Variants in KIAA1328 observed in about 807,000 individuals in gnomAD.
The protein encoded by KIAA1328 is KIAA1328.
In KIAA1328, 52 loss-of-function variants were observed where a neutral mutation model predicts 68.1. That is an observed-to-expected ratio of 0.76 (90% CI 0.61 to 0.96). The LOEUF (loss-of-function observed/expected upper bound fraction) is 0.96. Ranked by LOEUF, KIAA1328 falls within the 40% of genes least tolerant of loss-of-function variation. KIAA1328 has a pLI of 0.00. For missense variants in KIAA1328, 641 were observed against 677.6 expected (o/e 0.95, Z 0.60); for synonymous variants, 232 against 239.4 (o/e 0.97, Z 0.28).
intron 5 of KIAA1328, among the ~76,000 whole-genome samples, chr18:36,954,995 C>G (rs2051346775): frequency 6.6e-6 from 1 of 152,066 alleles, no homozygotes. Context: ...GCTTTTTTAT[C>G]CATCCTTTCT....
intron 6 of KIAA1328, among the ~76,000 whole-genome samples, chr18:36,962,080 C>T (rs1341259543): frequency 1.3e-5 from 2 of 152,134 alleles, no homozygotes; most frequent in African/African-American, 4.8e-5. Context: ...ATCTCATGTG[C>T]AGAGACACAC....
Position 37,179,459 on chromosome 18 carries a change from A to G in KIAA1328, c.1523+6378A>G, listed in dbSNP as rs533193202. ...TTAAAACCTTGCTTTGCTGTCAACC[A>G]TATGTTTAATGTGTTCTGAAAATTT... is the stretch of plus-strand genomic sequence containing the variant. On this transcript the variant is annotated intron_variant, in intron 9 of 9. Coordinates refer to ENST00000280020, the MANE Select transcript of KIAA1328 (RefSeq NM_020776.3). 4.7e-4 allele frequency among the ~76,000 whole-genome samples: 72 copies of G among 152,250 alleles called. 1 individual carries two copies. Among genetic ancestry groups the G allele is most frequent in the African/African-American group, 1.7e-3 (70 of 41,560 alleles).
intron 6 of KIAA1328, among the ~76,000 whole-genome samples, chr18:37,020,270 A>T (rs2054298167): frequency 6.6e-6 from 1 of 152,114 alleles, no homozygotes; most frequent in Admixed American, 6.5e-5. Flanking sequence ...TTACAGGCAC[A>T]TGCCACCACG....
chr18:37,071,538 A>T (rs2056534739), intron 7 of KIAA1328, among the ~76,000 whole-genome samples: 1 of 152,226 alleles, frequency 6.6e-6, no homozygotes. Flanking sequence ...TTTATATAGC[A>T]TTGACATTAT....
chr18:37,171,490 G>A (rs950221936), intron 8 of KIAA1328, among the ~76,000 whole-genome samples: 11 of 152,170 alleles, frequency 7.2e-5, no homozygotes, highest in South Asian at 2.1e-4. Context: ...GATTACAGGT[G>A]TGAGCCACTG....
At chr18:37,045,701 C>G (rs2055441108) in intron 6 of KIAA1328, among the ~76,000 whole-genome samples, 1 of 152,160 alleles carries the variant, frequency 6.6e-6, no homozygotes, top group Non-Finnish European at 1.5e-5. Context: ...TTTACTATTT[C>G]AGGCTTCTCA....
At chr18:37,174,559 G>GTATTTT (rs1568495905) in intron 9 of KIAA1328, among the ~76,000 whole-genome samples, 17 of 141,256 alleles carry the variant, frequency 1.2e-4, no homozygotes, top group South Asian at 2.3e-4. Flanking sequence ...ATTTTTTTTT[G>GTATTTT]GATTTTTATT....
chr18:36,868,889 C>T (rs979097004), intron 4 of KIAA1328, among the ~76,000 whole-genome samples: 4 of 151,902 alleles, frequency 2.6e-5, no homozygotes, highest in Non-Finnish European at 4.4e-5. Context: ...ATTACTTTCC[C>T]GTTGTAAAAT....
chr18:37,075,557 G>A (rs2056695357), intron 7 of KIAA1328: 1 of 152,116 alleles, frequency 6.6e-6, no homozygotes, highest in Non-Finnish European at 1.5e-5. Flanking sequence ...AAAGAGTCAA[G>A]ACCCATCAGT....
At chr18:36,887,776 T>C (rs1344405806) in intron 5 of KIAA1328, among the ~76,000 whole-genome samples, 1 of 151,948 alleles carries the variant, frequency 6.6e-6, no homozygotes, top group Non-Finnish European at 1.5e-5. Context: ...GTAGCAGAGG[T>C]AAGGGAAATA....
intron 4 of KIAA1328, among the ~76,000 whole-genome samples, chr18:36,854,044 T>C (rs1249761377): frequency 1.3e-5 from 2 of 152,226 alleles, no homozygotes; most frequent in African/African-American, 4.8e-5. Flanking sequence ...AAGGTGATTG[T>C]GTTTGGAGAC....
chr18:36,887,599 C>T (rs1033988710), intron 5 of KIAA1328, among the ~76,000 whole-genome samples: 58 of 152,134 alleles, frequency 3.8e-4, no homozygotes, highest in African/African-American at 1.2e-3. Flanking sequence ...CCCTACTCCC[C>T]ACCCAGTGGT....
intron 3 of KIAA1328, among the ~76,000 whole-genome samples, chr18:36,839,287 A>G (rs1345461161): frequency 6.6e-6 from 1 of 151,922 alleles, no homozygotes; most frequent in East Asian, 1.9e-4. Context: ...GATAGTTTGT[A>G]TTGCTGTTGC....
At chr18:36,908,704 C>T (rs1335543946) in intron 5 of KIAA1328, among the ~76,000 whole-genome samples, 1 of 151,978 alleles carries the variant, frequency 6.6e-6, no homozygotes, top group Non-Finnish European at 1.5e-5. Context: ...GACTGTGTGA[C>T]CAGTGTGAAT....
chr18:36,920,106 A>T (rs2049860400), intron 5 of KIAA1328, among the ~76,000 whole-genome samples: 1 of 151,722 alleles, frequency 6.6e-6, no homozygotes, highest in Admixed American at 6.6e-5. Context: ...GCTTGTAGGA[A>T]CTCGGTCATA....
chr18:36,977,228 C>T (rs1357535821), intron 6 of KIAA1328, among the ~76,000 whole-genome samples: 2 of 152,160 alleles, frequency 1.3e-5, no homozygotes, highest in Non-Finnish European at 2.9e-5. Context: ...CACTGTGTAT[C>T]CTTAAAGGCC....
At chr18:36,997,323 A>G (rs80265444) in intron 6 of KIAA1328, among the ~76,000 whole-genome samples, 169 of 152,072 alleles carry the variant, frequency 1.1e-3, no homozygotes, top group South Asian at 4.6e-3. Context: ...TTCCTTTCTT[A>G]TTAAGATTTT....
chr18:36,955,636 G>A (rs571560713), intron 5 of KIAA1328, among the ~76,000 whole-genome samples: 49 of 152,098 alleles, frequency 3.2e-4, no homozygotes, highest in African/African-American at 1.0e-3. Flanking sequence ...GACAAGCCCC[G>A]ATCTATTTGT....
intron 9 of KIAA1328, among the ~76,000 whole-genome samples, chr18:37,186,426 G>A (rs939364391): frequency 6.6e-6 from 1 of 151,684 alleles, no homozygotes; most frequent in African/African-American, 2.4e-5. Context: ...AATTAGCCAG[G>A]CATGGTAGTG....
Sources: gnomAD v4.1 joint callset for allele counts (sites outside exome capture counted in the v4.1 genomes callset) on GRCh38, gnomAD v4.1.1 for gene constraint, MANE v1.5 for transcripts, NCBI Gene and HGNC (gene_info 2026-07-23, HGNC 2026-07-21) for gene names.